The following GRM8 variants were observed in gnomAD, a reference collection of about 807,000 sequenced individuals.
GRM8 encodes the protein glutamate metabotropic receptor 8.
A neutral mutation model predicts 87.2 loss-of-function variants in GRM8; 47 were observed. The observed-to-expected ratio is 0.54, with a 90% CI of 0.43 to 0.69. The LOEUF is 0.69. GRM8 is among the 30% of genes least tolerant of loss of function. GRM8 has a pLI of 0.00. For missense variants in GRM8, 1,019 were observed against 1,139.2 expected, an observed-to-expected ratio of 0.89 and a Z score of 1.52; for synonymous variants, 396 against 404.5, an observed-to-expected ratio of 0.98 and a Z score of 0.25.
At chr7:126,456,791 T>C (rs1426011450) in intron 9 of GRM8, among the ~76,000 whole-genome samples, 4 of 151,318 alleles carry the variant, frequency 2.6e-5, no homozygotes, top group African/African-American at 4.8e-5. Context: ...TAGTAGAAAA[T>C]TGAAGCTTCT....
At chr7:126,837,455 G>A (rs1795908403) in intron 6 of GRM8, among the ~76,000 whole-genome samples, 1 of 152,196 alleles carries the variant, frequency 6.6e-6, no homozygotes, top group Non-Finnish European at 1.5e-5. Flanking sequence ...CAAGAAAACT[G>A]TAAATATACT....
chr7:127,082,651 T>A (rs761725651), intron 3 of GRM8, among the ~76,000 whole-genome samples: 1 of 152,230 alleles, frequency 6.6e-6, no homozygotes, highest in Non-Finnish European at 1.5e-5. Flanking sequence ...AAAGTAACAA[T>A]CTTAGCTGTT....
At chr7:127,027,806 A>G (rs556906808) in intron 3 of GRM8, among the ~76,000 whole-genome samples, 1 of 152,230 alleles carries the variant, frequency 6.6e-6, no homozygotes, top group Admixed American at 6.5e-5. Context: ...CTCTTTTCCT[A>G]ATTGAATAGT....
At chr7:126,949,442 T>G (rs1284168398) in intron 3 of GRM8, among the ~76,000 whole-genome samples, 1 of 152,238 alleles carries the variant, frequency 6.6e-6, no homozygotes, top group Admixed American at 6.5e-5. Flanking sequence ...AGTGATTTTC[T>G]TCCTTCTACC....
intron 6 of GRM8, among the ~76,000 whole-genome samples, chr7:126,831,579 C>T (rs1159487591): frequency 1.3e-5 from 2 of 152,294 alleles, no homozygotes; most frequent in African/African-American, 2.4e-5. Flanking sequence ...GTGGGAGTGG[C>T]CCAGTTTTCC....
At chr7:126,906,873 G>A (rs1021086360) in intron 3 of GRM8, among the ~76,000 whole-genome samples, 3 of 152,138 alleles carry the variant, frequency 2.0e-5, no homozygotes, top group Admixed American at 6.6e-5. Context: ...CTAGTCTACC[G>A]ATATACTACC....
At position 127,240,303 on chromosome 7, in the gene GRM8, CA is replaced by C. The variant is rs77601347; in HGVS notation, c.510+2391del. Among the ~76,000 whole-genome samples, 598 of 152,012 alleles carry C rather than the reference CA, an allele frequency of 3.9e-3. 10 individuals carry two copies. The highest frequency in any genetic ancestry group is 0.026 in the Admixed American group (393 of 15,272). ...TGGCCTGGAGTTTCCTTCAATAGCC[CA>C]AAAAACCAAAGGACATGACCAGGTC... is the stretch of plus-strand genomic sequence containing the variant. On this transcript the variant is annotated intron_variant, in intron 2 of 10. Coordinates refer to ENST00000339582, the MANE Select transcript of GRM8 (RefSeq NM_000845.3).
At chr7:126,761,924 C>T (rs180722545) in intron 7 of GRM8, among the ~76,000 whole-genome samples, 228 of 152,276 alleles carry the variant, frequency 1.5e-3, no homozygotes, top group Non-Finnish European at 2.3e-3. Flanking sequence ...CTTTAAGCTT[C>T]CCTTATGTAG....
intron 7 of GRM8, among the ~76,000 whole-genome samples, chr7:126,647,152 G>A (rs1803204229): frequency 6.6e-6 from 1 of 152,092 alleles, no homozygotes; most frequent in African/African-American, 2.4e-5. Context: ...AGCTACTCAG[G>A]AAGTGAGGTG....
At chr7:127,020,312 G>T (rs1314761689) in intron 3 of GRM8, among the ~76,000 whole-genome samples, 1 of 152,088 alleles carries the variant, frequency 6.6e-6, no homozygotes, top group Non-Finnish European at 1.5e-5. Flanking sequence ...GCAGAGAGAG[G>T]TTGCACTTGG....
intron 7 of GRM8, among the ~76,000 whole-genome samples, chr7:126,686,521 C>T (rs182542878): frequency 2.9e-4 from 44 of 152,288 alleles, no homozygotes; most frequent in Admixed American, 2.5e-3. Flanking sequence ...CTACTGCATT[C>T]GCTGGTGCCA....
At chr7:126,862,614 A>T (rs1210142480) in intron 6 of GRM8, among the ~76,000 whole-genome samples, 7 of 152,080 alleles carry the variant, frequency 4.6e-5, no homozygotes, top group East Asian at 1.9e-4. Context: ...GGAAGAAAGC[A>T]GCATTTTTAC....
chr7:126,819,482 T>C (rs1365235069), intron 6 of GRM8, among the ~76,000 whole-genome samples: 2 of 152,168 alleles, frequency 1.3e-5, no homozygotes, highest in African/African-American at 4.8e-5. Context: ...GGGGAAGTAA[T>C]CGTGTCTTAG....
chr7:127,238,192 C>T (rs1390082967), intron 2 of GRM8, among the ~76,000 whole-genome samples: 1 of 152,114 alleles, frequency 6.6e-6, no homozygotes, highest in Non-Finnish European at 1.5e-5. Flanking sequence ...CGTTACATGT[C>T]ACATTATCCT....
At chr7:126,810,886 A>C (rs1215797158) in intron 6 of GRM8, among the ~76,000 whole-genome samples, 1 of 152,144 alleles carries the variant, frequency 6.6e-6, no homozygotes, top group Non-Finnish European at 1.5e-5. Context: ...TCTCCTTTAG[A>C]GTACACTTGG....
chr7:127,162,582 C>T (rs543729983), intron 2 of GRM8, among the ~76,000 whole-genome samples: 1 of 152,162 alleles, frequency 6.6e-6, no homozygotes, highest in African/African-American at 2.4e-5. Context: ...TCTGGTTTCT[C>T]CCTCCTGTCT....
At chr7:126,728,847 T>C (rs1432466559) in intron 7 of GRM8, among the ~76,000 whole-genome samples, 2 of 152,164 alleles carry the variant, frequency 1.3e-5, no homozygotes, top group East Asian at 3.9e-4. Context: ...TTCCCTGTTC[T>C]GCCCACCCTG....
At chr7:126,927,760 C>G (rs1442847140) in intron 3 of GRM8, among the ~76,000 whole-genome samples, 2 of 152,158 alleles carry the variant, frequency 1.3e-5, no homozygotes, top group Non-Finnish European at 2.9e-5. Context: ...CACTTTTACA[C>G]TGTTGGTGGG....
chr7:126,497,912 CTCTTGCT>C (rs1257758169), intron 9 of GRM8, among the ~76,000 whole-genome samples: 1 of 151,882 alleles, frequency 6.6e-6, no homozygotes, highest in African/African-American at 2.4e-5. Flanking sequence ...AGGTGGGGAC[CTCTTGCT>C]TCTTGAATGG....
Sources: gnomAD v4.1 joint callset for allele counts (sites outside exome capture counted in the v4.1 genomes callset) on GRCh38, gnomAD v4.1.1 for gene constraint, MANE v1.5 for transcripts, NCBI Gene and HGNC (gene_info 2026-07-23, HGNC 2026-07-21) for gene names.